Variants in GLIS3 observed in about 807,000 individuals in gnomAD.
The protein encoded by GLIS3 is GLIS family zinc finger 3.
A neutral mutation model predicts 78.6 loss-of-function variants in GLIS3; 53 were observed. The ratio of observed to expected loss-of-function variants is 0.67; its 90% CI spans 0.54 to 0.85. The LOEUF (loss-of-function observed/expected upper bound fraction) is 0.85. GLIS3 is among the 40% of genes least tolerant of loss of function. The pLI is 0.00. For synonymous variants in GLIS3, 684 were observed against 509.9 expected, an observed-to-expected ratio of 1.34 and a Z score of -4.60; for missense variants, 1,703 against 1,231.1, an observed-to-expected ratio of 1.38 and a Z score of -5.74.
intron 4 of GLIS3, among the ~76,000 whole-genome samples, chr9:3,984,306 C>G (rs890311287): frequency 3.9e-5 from 6 of 152,246 alleles, no homozygotes; most frequent in Non-Finnish European, 5.9e-5. Flanking sequence ...GACGCTATAC[C>G]CCGCAAAGCC....
At chr9:4,362,236 A>AT in the GLIS3 span, among the ~76,000 whole-genome samples, 2 of 152,074 alleles carry the variant, frequency 1.3e-5, no homozygotes, top group Non-Finnish European at 1.5e-5. Flanking sequence ...TTTGCTATGG[A>AT]TTTTTTTCCT....
intron 4 of GLIS3, among the ~76,000 whole-genome samples, chr9:3,982,370 C>T (rs570246916): frequency 2.0e-5 from 3 of 152,280 alleles, no homozygotes; most frequent in African/African-American, 7.2e-5. Flanking sequence ...TTTCCCCTAC[C>T]CCAGTACAGT....
intron 3 of GLIS3, 130 bp from the exon 4 acceptor site, chr9:4,119,011 A>AAC (rs1831980579): frequency 2.1e-6 from 2 of 967,910 alleles, no homozygotes; most frequent in South Asian, 3.0e-5. Flanking sequence ...TTCTGTGCTA[A>AAC]ACACACATTC....
intron 4 of GLIS3, among the ~76,000 whole-genome samples, chr9:3,975,995 G>A (rs75879177): frequency 2.0e-5 from 3 of 152,096 alleles, no homozygotes; most frequent in Admixed American, 6.6e-5. Context: ...CAGCCAATCA[G>A]GTCCTGGCGG....
chr9:4,241,477 TAAAGACA>T (rs1823304844), intron 2 of GLIS3, among the ~76,000 whole-genome samples: 1 of 152,178 alleles, frequency 6.6e-6, no homozygotes, highest in Admixed American at 6.5e-5. Flanking sequence ...GTTTCTACCT[TAAAGACA>T]ATACTTGAGG....
chr9:4,213,844 C>G (rs1386179607), intron 2 of GLIS3, among the ~76,000 whole-genome samples: 1 of 150,802 alleles, frequency 6.6e-6, no homozygotes, highest in African/African-American at 2.4e-5. Context: ...TAGTAGTGTT[C>G]TAGATATCAG....
rs1817687929 is a variant in GLIS3 at position 3,825,666 on chromosome 9, T to C, written c.*2606A>G. On this transcript the variant is annotated 3_prime_UTR_variant, in exon 11 of 11. Transcript: ENST00000381971. ...GAATATATATATAAATCTTCTGCAGTGTGAAAGTAAGCAAGGGACAAATTT... is the reference window on the plus strand; with the variant it reads ...GAATATATATATAAATCTTCTGCAGCGTGAAAGTAAGCAAGGGACAAATTT... 1 of 152,132 alleles carries C rather than the reference T, an allele frequency of 6.6e-6. No individual in the cohort carries two copies. Among genetic ancestry groups the C allele is most frequent in the Non-Finnish European group, 1.5e-5 (1 of 68,018 alleles). 9.4% of individuals were successfully genotyped at this position (152,132 alleles called of 1,614,324 possible).
chr9:4,469,365 A>C, the GLIS3 span, among the ~76,000 whole-genome samples: 2 of 152,144 alleles, frequency 1.3e-5, no homozygotes, highest in Non-Finnish European at 2.9e-5. Context: ...ACCTATTCCA[A>C]AACTGACCAC....
chr9:4,201,454 C>T lies in GLIS3; in HGVS notation c.389-75513G>A, dbSNP rs892600675. Among the ~76,000 whole-genome samples the T allele has an allele frequency of 3.9e-5, 6 of 152,174 alleles. No individual in the cohort carries two copies. In the South Asian group the frequency reaches 1.0e-3, roughly 26 times the overall value. On this transcript the variant is annotated intron_variant, in intron 2 of 10. Transcript: ENST00000381971. Reference sequence around the variant, plus strand: ...AAAACTCTAAAGACTCCACCAAAGGCTCCTAGAACTGATAAACGACTTCAG... The same window carrying T: ...AAAACTCTAAAGACTCCACCAAAGGTTCCTAGAACTGATAAACGACTTCAG...
intron 8 of GLIS3, among the ~76,000 whole-genome samples, chr9:3,860,278 A>AAAAC (rs1294016356): frequency 4.2e-5 from 4 of 95,432 alleles, no homozygotes; most frequent in African/African-American, 1.2e-4. Flanking sequence ...CTGTCAAAAA[A>AAAAC]AAAAAAAAAA....
At chr9:4,133,463 G>T (rs940972924) in intron 2 of GLIS3, among the ~76,000 whole-genome samples, 3 of 152,142 alleles carry the variant, frequency 2.0e-5, no homozygotes, top group Admixed American at 6.6e-5. Context: ...CAGAAAAGTG[G>T]AAAAGATGGT....
rs1408878220 is a variant in GLIS3 at position 3,826,787 on chromosome 9, G to C, written c.*1485C>G. 2.0e-5 allele frequency: 3 copies of C among 152,160 alleles called. No individual in the cohort carries two copies. In the East Asian group the frequency reaches 5.8e-4, roughly 29 times the overall value. 9.4% of individuals were successfully genotyped at this position (152,160 alleles called of 1,614,324 possible). On this transcript the variant is annotated 3_prime_UTR_variant, in exon 11 of 11. Transcript: ENST00000381971. ...TGTAATGATCTCAGTTTGATAAATG[G>C]CATTGTTTCACTTTTGTTCAGAAAA...
At chr9:4,045,897 T>G (rs1429236960) in intron 4 of GLIS3, among the ~76,000 whole-genome samples, 1 of 152,120 alleles carries the variant, frequency 6.6e-6, no homozygotes, top group Non-Finnish European at 1.5e-5. Flanking sequence ...ACTTTTAAAC[T>G]GAAGAAGAAA....
At chr9:3,994,968 C>T (rs1290190874) in intron 4 of GLIS3, among the ~76,000 whole-genome samples, 1 of 152,170 alleles carries the variant, frequency 6.6e-6, no homozygotes, top group East Asian at 1.9e-4. Context: ...GCTATTCTAA[C>T]AATTTCAGGT....
intron 6 of GLIS3, among the ~76,000 whole-genome samples, chr9:3,907,792 C>G (rs932613980): frequency 4.6e-5 from 7 of 152,196 alleles, no homozygotes; most frequent in South Asian, 2.1e-4. Context: ...TCCCCATCCT[C>G]TCCTGAGTTC....
At chr9:4,312,470 A>C (rs1159199965) in intron 2 of GLIS3, among the ~76,000 whole-genome samples, 5 of 152,214 alleles carry the variant, frequency 3.3e-5, no homozygotes. Flanking sequence ...TTTGTCTCAA[A>C]AAGAAAAAAA....
chr9:4,086,546 A>C (rs1829035344), intron 4 of GLIS3, among the ~76,000 whole-genome samples: 1 of 152,236 alleles, frequency 6.6e-6, no homozygotes, highest in Non-Finnish European at 1.5e-5. Flanking sequence ...TCTTCCAGAA[A>C]ACAAATCTTT....
intron 2 of GLIS3, among the ~76,000 whole-genome samples, chr9:4,169,929 T>C (rs185295341): frequency 6.6e-6 from 1 of 152,190 alleles, no homozygotes; most frequent in East Asian, 1.9e-4. Flanking sequence ...ATTGACCAAA[T>C]GTCGCTTCAA....
At chr9:4,019,483 T>G (rs771260185) in intron 4 of GLIS3, among the ~76,000 whole-genome samples, 12 of 152,156 alleles carry the variant, frequency 7.9e-5, no homozygotes, top group Non-Finnish European at 1.5e-4. Flanking sequence ...ATGTATTGAG[T>G]GCCTACTATG....
Sources: allele counts gnomAD v4.1 joint callset (sites outside exome capture counted in the v4.1 genomes callset), GRCh38; gene constraint gnomAD v4.1.1; transcripts MANE v1.5; gene names NCBI Gene and HGNC (gene_info 2026-07-23, HGNC 2026-07-21).